PCDH11X: variants seen among roughly 807,000 people sequenced by gnomAD.
PCDH11X encodes the protein protocadherin-11 X-linked.
In PCDH11X, 18 loss-of-function variants were observed where a neutral mutation model predicts 53.3. The ratio of observed to expected loss-of-function variants is 0.34; its 90% CI spans 0.23 to 0.50. PCDH11X has a LOEUF of 0.50. Among genes scored for constraint, PCDH11X ranks in the 20% least tolerant of loss-of-function variants. PCDH11X has a pLI of 0.98. For synonymous variants in PCDH11X, 279 were observed against 393.3 expected, an observed-to-expected ratio of 0.71 and a Z score of 3.44; for missense variants, 570 against 1,032.4, an observed-to-expected ratio of 0.55 and a Z score of 6.14.
intron 1 of PCDH11X, among the ~76,000 whole-genome samples, chrX:91,803,757 T>A (rs2147545354): frequency 8.9e-6 from 1 of 112,079 alleles, no homozygotes; most frequent in East Asian, 2.8e-4. Flanking sequence ...ACTATTATTC[T>A]AATAACTGAT....
At position 91,985,575 on chromosome X, in the gene PCDH11X, C is replaced by T. The variant is rs200026108; in HGVS notation, c.3033+106302C>T. 2.7e-5 allele frequency among the ~76,000 whole-genome samples: 3 copies of T among 112,355 alleles called. No individual in the cohort carries two copies. The East Asian group carries it at 8.4e-4, about 32-fold the overall frequency. ...TTTACGACATTCAGGGAAAACCATA[C>T]TCAAACCCTATTTTTCCCCTGGAGG... On this transcript the variant is annotated intron_variant, in intron 6 of 10. Coordinates refer to ENST00000682573, the MANE Select transcript of PCDH11X (RefSeq NM_032968.5).
At chrX:91,924,834 A>T (rs2147826541) in intron 6 of PCDH11X, among the ~76,000 whole-genome samples, 1 of 111,231 alleles carries the variant, frequency 9.0e-6, no homozygotes, top group East Asian at 2.8e-4. Flanking sequence ...AAGGCACAAA[A>T]CTAGTATAGA....
At chrX:92,374,301 A>T (rs2070691590) in intron 8 of PCDH11X, among the ~76,000 whole-genome samples, 1 of 100,314 alleles carries the variant, frequency 1.0e-5, no homozygotes, top group African/African-American at 3.6e-5. Flanking sequence ...ACATTTACCA[A>T]ATTTTAAATT....
intron 6 of PCDH11X, among the ~76,000 whole-genome samples, chrX:92,066,975 A>T (rs1438171322): frequency 9.0e-6 from 1 of 111,670 alleles, no homozygotes; most frequent in African/African-American, 3.3e-5. Context: ...ATGGTGGTGC[A>T]TGCCTGTAAT....
At chrX:92,148,497 G>A (rs1436099476) in intron 6 of PCDH11X, among the ~76,000 whole-genome samples, 1 of 107,320 alleles carries the variant, frequency 9.3e-6, no homozygotes, top group East Asian at 3.0e-4. Context: ...AAAGTGCTGG[G>A]ATTATAGGCC....
chrX:92,548,561 G>A (rs1426655371), intron 10 of PCDH11X, among the ~76,000 whole-genome samples: 1 of 111,432 alleles, frequency 9.0e-6, no homozygotes, highest in Non-Finnish European at 1.9e-5. Flanking sequence ...ATAACATGAT[G>A]AACTTCCCAG....
intron 1 of PCDH11X, among the ~76,000 whole-genome samples, chrX:91,801,004 C>A (rs1383030887): frequency 9.3e-6 from 1 of 107,439 alleles, no homozygotes; most frequent in Non-Finnish European, 1.9e-5. Flanking sequence ...CATGATGAAA[C>A]CTCATCTCTA....
At chrX:92,321,184 G>GTTTT (rs199672875) in intron 8 of PCDH11X, among the ~76,000 whole-genome samples, 6 of 84,874 alleles carry the variant, frequency 7.1e-5, no homozygotes, top group East Asian at 5.1e-4. Context: ...TGAACTGTAA[G>GTTTT]TTTTTTTTTG....
At chrX:92,175,887 C>T (rs1340236181) in intron 6 of PCDH11X, among the ~76,000 whole-genome samples, 1 of 108,001 alleles carries the variant, frequency 9.3e-6, no homozygotes, top group African/African-American at 3.4e-5. Flanking sequence ...AAAATAAGAA[C>T]TTTCTAATCT....
Position 92,152,795 on chromosome X carries a change from GTATT to G in PCDH11X, c.3034-48566_3034-48563del, listed in dbSNP as rs398073674. Among the ~76,000 whole-genome samples, 399 of 76,652 alleles carry G rather than the reference GTATT, an allele frequency of 5.2e-3. 1 individual carries two copies. Among genetic ancestry groups the G allele is most frequent in the Middle Eastern group, 0.021 (3 of 144 alleles). 66.6% of individuals were successfully genotyped at this position (76,652 alleles called of 115,157 possible). ...TGTATGTATGTATGTATGTATGTATGTATTTATTTATTTATTTTTTGAGACGGAG... is the reference window on the plus strand; with the variant it reads ...TGTATGTATGTATGTATGTATGTATGTATTTATTTATTTTTTGAGACGGAG... On this transcript the variant is annotated intron_variant, in intron 6 of 10. Transcript: ENST00000682573.
chrX:92,127,326 A>G (rs902274243), intron 6 of PCDH11X, among the ~76,000 whole-genome samples: 1 of 108,905 alleles, frequency 9.2e-6, no homozygotes, highest in African/African-American at 3.3e-5. Context: ...GAATACCCCA[A>G]TTCCTGGATT....
At chrX:91,886,168 C>T (rs1450440790) in intron 6 of PCDH11X, among the ~76,000 whole-genome samples, 2 of 111,646 alleles carry the variant, frequency 1.8e-5, no homozygotes, top group Non-Finnish European at 3.8e-5. Flanking sequence ...ATTATTATTA[C>T]GTTTGCCTTG....
intron 7 of PCDH11X, among the ~76,000 whole-genome samples, chrX:92,250,888 T>G (rs2067448421): frequency 9.1e-6 from 1 of 109,748 alleles, no homozygotes; most frequent in Non-Finnish European, 1.9e-5. Context: ...GTGTTTCTTT[T>G]TGAGGTGATG....
At chrX:92,206,528 A>T (rs1020728897) in intron 7 of PCDH11X, among the ~76,000 whole-genome samples, 2 of 110,583 alleles carry the variant, frequency 1.8e-5, no homozygotes, top group South Asian at 3.8e-4. Flanking sequence ...TTTTTAATTT[A>T]ATTTTATTTT....
At chrX:92,234,389 C>A (rs1180886984) in intron 7 of PCDH11X, among the ~76,000 whole-genome samples, 2 of 111,890 alleles carry the variant, frequency 1.8e-5, no homozygotes, top group East Asian at 5.6e-4. Flanking sequence ...GTGAAGTGGG[C>A]AATATCCCTA....
intron 6 of PCDH11X, among the ~76,000 whole-genome samples, chrX:92,070,017 T>C (rs2063674050): frequency 1.8e-5 from 2 of 111,693 alleles, no homozygotes. Context: ...ATAACACTGA[T>C]TGCATAAACA....
intron 9 of PCDH11X, among the ~76,000 whole-genome samples, chrX:92,410,657 A>T (rs1477866145): frequency 1.1e-4 from 11 of 102,858 alleles, no homozygotes; most frequent in African/African-American, 3.9e-4. Flanking sequence ...GGCTTAAAGG[A>T]TTTATAAGGC....
At chrX:92,213,602 G>A (rs767119993) in intron 7 of PCDH11X, among the ~76,000 whole-genome samples, 26 of 111,484 alleles carry the variant, frequency 2.3e-4, no homozygotes, top group African/African-American at 8.5e-4. Context: ...GACATCCCAC[G>A]ATTCTCATGG....
intron 10 of PCDH11X, among the ~76,000 whole-genome samples, chrX:92,486,294 A>G (rs981522661): frequency 3.6e-5 from 4 of 111,442 alleles, no homozygotes; most frequent in African/African-American, 1.3e-4. Context: ...AAATATATGA[A>G]ATAATATGCA....
Sources: gnomAD v4.1 joint callset for allele counts (sites outside exome capture counted in the v4.1 genomes callset) on GRCh38, gnomAD v4.1.1 for gene constraint, MANE v1.5 for transcripts, NCBI Gene and HGNC (gene_info 2026-07-23, HGNC 2026-07-21) for gene names.